Variants in RCBTB2 observed in about 807,000 individuals in gnomAD.
RCBTB2 encodes RCC1 and BTB domain containing protein 2.
In RCBTB2, 55 loss-of-function variants were observed where a neutral mutation model predicts 65.4. The observed-to-expected ratio is 0.84, with a 90% CI of 0.68 to 1.05. The LOEUF (loss-of-function observed/expected upper bound fraction) is 1.05. Ranked by LOEUF, RCBTB2 falls within the 50% of genes least tolerant of loss-of-function variation. The pLI, the probability that RCBTB2 is intolerant of heterozygous loss-of-function variation, is 0.00. For synonymous variants in RCBTB2, 220 were observed against 255.2 expected (o/e 0.86, Z 1.31); for missense variants, 599 against 680.1 (o/e 0.88, Z 1.33).
chr13:48,512,145 C>A lies in RCBTB2; in HGVS notation c.546G>T (p.Gly182=), dbSNP rs1446210247. 4 of 1,613,886 alleles carry A rather than the reference C, an allele frequency of 2.5e-6. No homozygotes were observed. The African/African-American group carries it at 5.3e-5, about 22-fold the overall frequency. Residue 182 remains glycine (G), a synonymous_variant, in exon 8 of 15, where the codon GGG becomes GGT. Coordinates refer to ENST00000344532, the MANE Select transcript of RCBTB2 (RefSeq NM_001268.4). ...TAACTGTTGATCCAGATCCTACCTG[C>A]CCAGAGTTATTATAACCCCAGGCAA... ...EVFAWGYNNS[G]QVGSGSTVNQ... is the part of the protein sequence containing the mutation.
chr13:48,506,467 C>A (rs892907255), intron 10 of RCBTB2, among the ~76,000 whole-genome samples: 17 of 152,160 alleles, frequency 1.1e-4, no homozygotes, highest in Non-Finnish European at 2.9e-5. Flanking sequence ...CTGGGGAGGC[C>A]AACCCAAGCT....
intron 9 of RCBTB2, among the ~76,000 whole-genome samples, 198 bp from the exon 10 acceptor site, chr13:48,510,969 G>A (rs549408649): frequency 4.6e-5 from 7 of 152,288 alleles, no homozygotes; most frequent in African/African-American, 1.4e-4. Flanking sequence ...GTACCCTGGC[G>A]TGAGCACCTG....
At chr13:48,503,774 C>G (rs557851383) in intron 10 of RCBTB2, among the ~76,000 whole-genome samples, 1 of 152,300 alleles carries the variant, frequency 6.6e-6, no homozygotes, top group Admixed American at 6.5e-5. Flanking sequence ...GTCTTGAACT[C>G]CAGAGCTCAA....
intron 13 of RCBTB2, 34 bp downstream of exon 13, chr13:48,499,587 T>C: frequency 1.9e-6 from 3 of 1,609,942 alleles, no homozygotes; most frequent in Admixed American, 1.7e-5. Context: ...TTCCTCAACA[T>C]TTTGCCAAGT....
At chr13:48,533,339 A>G (rs1004032629), upstream of RCBTB2, 2 of 299,366 alleles carry the variant, frequency 6.7e-6, no homozygotes, top group African/African-American at 4.7e-5. Flanking sequence ...TTTTCCAGGG[A>G]GTTCCTCCGT....
At chr13:48,502,610 A>T in intron 11 of RCBTB2, 114 bp downstream of exon 11, 1 of 1,046,212 alleles carries the variant, frequency 9.6e-7, no homozygotes, top group Non-Finnish European at 1.4e-6. Context: ...GAAGCCCATC[A>T]GAGAGAAATA....
intron 10 of RCBTB2, among the ~76,000 whole-genome samples, chr13:48,504,873 C>G (rs930309917): frequency 6.6e-6 from 1 of 152,046 alleles, no homozygotes; most frequent in Non-Finnish European, 1.5e-5. Context: ...TGTACCGGCT[C>G]GCCTCAGAGG....
intron 11 of RCBTB2, among the ~76,000 whole-genome samples, chr13:48,502,151 C>T (rs1052552660): frequency 6.8e-6 from 1 of 146,686 alleles, no homozygotes; most frequent in African/African-American, 2.8e-5. Flanking sequence ...TGAGTAAATA[C>T]GCTAGTTAAA....
intron 12 of RCBTB2, among the ~76,000 whole-genome samples, chr13:48,500,311 G>T (rs952815603): frequency 2.6e-5 from 4 of 152,184 alleles, no homozygotes; most frequent in Non-Finnish European, 5.9e-5. Context: ...TGTAATCCCA[G>T]CACTTTGGAA....
intron 11 of RCBTB2, 22 bp downstream of exon 11, chr13:48,502,702 A>T: frequency 6.3e-7 from 1 of 1,588,324 alleles, no homozygotes; most frequent in East Asian, 2.3e-5. Flanking sequence ...GCCATCCCCC[A>T]AATGGACAGT....
chr13:48,521,863 A>T, intron 4 of RCBTB2, 35 bp downstream of exon 4: 1 of 1,598,074 alleles, frequency 6.3e-7, no homozygotes, highest in Non-Finnish European at 8.6e-7. Flanking sequence ...ATGCAACAGA[A>T]CACACATGCT....
intron 1 of RCBTB2, among the ~76,000 whole-genome samples, chr13:48,529,889 A>G (rs1952011376): frequency 6.6e-6 from 1 of 151,960 alleles, no homozygotes; most frequent in African/African-American, 2.4e-5. Context: ...ATCTGTAGCA[A>G]TATTTATTTA....
chr13:48,493,340 C>CTCTCTCTCTCTCTCT (rs756141334), intron 14 of RCBTB2, among the ~76,000 whole-genome samples: 1 of 123,648 alleles, frequency 8.1e-6, no homozygotes, highest in Non-Finnish European at 1.7e-5. Flanking sequence ...CTCTCTCTCT[C>CTCTCTCTCTCTCTCT]TTCTCTTCTC....
At chr13:48,532,733 G>T (rs1593851000) in intron 1 of RCBTB2, 2 of 294,426 alleles carry the variant, frequency 6.8e-6, no homozygotes, top group African/African-American at 2.4e-5. Flanking sequence ...GCAGCGCACC[G>T]GGCCCACGCC....
intron 4 of RCBTB2, among the ~76,000 whole-genome samples, chr13:48,518,918 T>G (rs763067208): frequency 3.3e-5 from 5 of 152,206 alleles, no homozygotes; most frequent in Non-Finnish European, 7.4e-5. Flanking sequence ...AGTCTGTAAA[T>G]TTCCAAAAGA....
At position 48,512,032 on chromosome 13, in the gene RCBTB2, A is replaced by G. The variant is rs765166829; in HGVS notation, c.659T>C (p.Val220Ala). 2.5e-6 allele frequency: 4 copies of G among 1,613,978 alleles called. No individual in the cohort carries two copies. Among genetic ancestry groups the G allele is most frequent in the Non-Finnish European group, 3.4e-6 (4 of 1,179,920 alleles). Residue 220 changes from valine to alanine, a missense_variant, in exon 8 of 15, where the codon GTA becomes GCA. Transcript: ENST00000344532. ...CTTCCTTACCTCCCCCGTGTCTACT[A>G]CTGCCATGCAGCACATCTGCCCACA... is the stretch of plus-strand genomic sequence containing the variant. Reference protein sequence around the residue: ...IACGQMCCMAVVDTGEVYVWG... With the variant: ...IACGQMCCMAAVDTGEVYVWG...
chr13:48,515,409 A>C, intron 5 of RCBTB2, 54 bp from the exon 6 acceptor site: 5 of 1,542,002 alleles, frequency 3.2e-6, no homozygotes, highest in Non-Finnish European at 4.4e-6. Context: ...CAAATCTATA[A>C]ATTACATCCA....
intron 6 of RCBTB2, among the ~76,000 whole-genome samples, chr13:48,514,052 T>C (rs1360417156): frequency 6.6e-6 from 1 of 152,246 alleles, no homozygotes; most frequent in Non-Finnish European, 1.5e-5. Context: ...GATTTGTTCT[T>C]ACCATAAATC....
At position 48,489,717 on chromosome 13, in the gene RCBTB2, T is replaced by C. The variant is rs1051534016; in HGVS notation, c.*394A>G. On this transcript the variant is annotated 3_prime_UTR_variant, in exon 15 of 15. Transcript: ENST00000344532. Reference sequence around the variant, plus strand: ...ATACACAAGGCACTGTGCTGAGTGCTGAAAATGTGGTAAGGACAGACAGCA... The same window carrying C: ...ATACACAAGGCACTGTGCTGAGTGCCGAAAATGTGGTAAGGACAGACAGCA... The C allele has an allele frequency of 1.4e-5, 3 of 219,882 alleles. No individual in the cohort carries two copies. Among genetic ancestry groups the C allele is most frequent in the African/African-American group, 7.1e-5 (3 of 42,438 alleles). The allele number at this position is 219,882 out of a possible 1,614,324, so 13.6% of individuals were successfully genotyped here.
Sources: allele counts gnomAD v4.1 joint callset (sites outside exome capture counted in the v4.1 genomes callset), GRCh38; gene constraint gnomAD v4.1.1; transcripts MANE v1.5; gene names NCBI Gene and HGNC (gene_info 2026-07-23, HGNC 2026-07-21).